The following RNGTT variants were observed in gnomAD, a reference collection of about 807,000 sequenced individuals.
The protein encoded by RNGTT is mRNA-capping enzyme.
A neutral mutation model predicts 79.3 loss-of-function variants in RNGTT; 33 were observed. That is an observed-to-expected ratio of 0.42 (90% CI 0.32 to 0.56). The LOEUF is 0.56. RNGTT is among the 20% of genes least tolerant of loss of function. The pLI is 0.17. For synonymous variants in RNGTT, 222 were observed against 235.9 expected (o/e 0.94, Z 0.54); for missense variants, 497 against 739.1 (o/e 0.67, Z 3.80).
intron 2 of RNGTT, among the ~76,000 whole-genome samples, chr6:88,930,153 CATACATATATACATATACATATATGTAT>C (rs1248314594): frequency 1.4e-5 from 2 of 141,334 alleles, no homozygotes; most frequent in African/African-American, 5.7e-5. Flanking sequence ...CATATACGTA[CATACATATATACATATACATATATGTAT>C]ATACATATAT....
intron 14 of RNGTT, among the ~76,000 whole-genome samples, chr6:88,672,284 CAT>C (rs1028699670): frequency 1.3e-5 from 2 of 151,068 alleles, no homozygotes. Flanking sequence ...AATGTATACA[CAT>C]ATATATACAC....
At chr6:88,707,352 C>T (rs763488809) in intron 13 of RNGTT, among the ~76,000 whole-genome samples, 4 of 151,302 alleles carry the variant, frequency 2.6e-5, no homozygotes, top group African/African-American at 7.3e-5. Flanking sequence ...GATCTTCAAA[C>T]CACCTAAAAT....
At chr6:88,897,048 C>G (rs1783275682) in intron 6 of RNGTT, among the ~76,000 whole-genome samples, 1 of 152,194 alleles carries the variant, frequency 6.6e-6, no homozygotes, top group Non-Finnish European at 1.5e-5. Context: ...TAACATGTCA[C>G]TATAAACTCT....
intron 8 of RNGTT, among the ~76,000 whole-genome samples, chr6:88,889,866 C>T (rs1782984364): frequency 6.6e-6 from 1 of 152,084 alleles, no homozygotes; most frequent in African/African-American, 2.4e-5. Context: ...GGCTAAGCTA[C>T]TATTCAGGAG....
intron 4 of RNGTT, among the ~76,000 whole-genome samples, chr6:88,914,309 A>G (rs1783927778): frequency 6.6e-6 from 1 of 152,164 alleles, no homozygotes; most frequent in African/African-American, 2.4e-5. Context: ...GAACCAAAAA[A>G]AGAACCCAAA....
chr6:88,681,836 T>C (rs1464007005), intron 13 of RNGTT, among the ~76,000 whole-genome samples: 1 of 152,186 alleles, frequency 6.6e-6, no homozygotes, highest in Non-Finnish European at 1.5e-5. Context: ...TGTAAGATAT[T>C]TGCTTGCAAC....
chr6:88,820,972 G>C (rs556991201), intron 11 of RNGTT, among the ~76,000 whole-genome samples: 1 of 152,156 alleles, frequency 6.6e-6, no homozygotes, highest in South Asian at 2.1e-4. Flanking sequence ...AGGTTGTATG[G>C]AGAGGCAAAC....
chr6:88,872,032 T>C (rs773494715), intron 8 of RNGTT, among the ~76,000 whole-genome samples: 6 of 152,172 alleles, frequency 3.9e-5, no homozygotes, highest in Admixed American at 6.6e-5. Context: ...ACCATTAAAT[T>C]AGACATACAA....
intron 12 of RNGTT, among the ~76,000 whole-genome samples, chr6:88,786,372 TAAAC>T (rs1281492919): frequency 1.3e-5 from 2 of 152,194 alleles, no homozygotes; most frequent in African/African-American, 2.4e-5. Context: ...CTTTGTAAAT[TAAAC>T]AATCTAATAG....
intron 11 of RNGTT, among the ~76,000 whole-genome samples, chr6:88,830,465 G>A (rs571790319): frequency 2.6e-5 from 4 of 152,218 alleles, no homozygotes; most frequent in South Asian, 4.1e-4. Flanking sequence ...ATGCACACAG[G>A]AGAAAGCGGG....
At chr6:88,647,680 G>A (rs886706962) in intron 14 of RNGTT, among the ~76,000 whole-genome samples, 28 of 121,254 alleles carry the variant, frequency 2.3e-4, no homozygotes, top group Non-Finnish European at 4.5e-4. Context: ...TCCAGCCTGG[G>A]TGACAGAACC....
chr6:88,773,125 G>T (rs1294146091), intron 12 of RNGTT, among the ~76,000 whole-genome samples: 76 of 149,162 alleles, frequency 5.1e-4, no homozygotes, highest in Middle Eastern at 3.4e-3. Context: ...ATACACCATG[G>T]AATACTATGC....
chr6:88,738,394 TA>T (rs1469510425), intron 13 of RNGTT, among the ~76,000 whole-genome samples: 2 of 152,098 alleles, frequency 1.3e-5, no homozygotes, highest in Non-Finnish European at 2.9e-5. Context: ...GGACATCAAG[TA>T]AAAACTAAGG....
intron 14 of RNGTT, among the ~76,000 whole-genome samples, chr6:88,664,341 A>G (rs1774307044): frequency 6.6e-6 from 1 of 152,228 alleles, no homozygotes; most frequent in African/African-American, 2.4e-5. Flanking sequence ...CCTGAAAATC[A>G]GCGCATGATT....
chr6:88,658,955 T>C (rs1774083268), intron 14 of RNGTT, among the ~76,000 whole-genome samples: 1 of 152,376 alleles, frequency 6.6e-6, no homozygotes, highest in East Asian at 1.9e-4. Flanking sequence ...GAACTCAGAC[T>C]GGCTTCCTGG....
chr6:88,828,933 G>A (rs1336699882), intron 11 of RNGTT, among the ~76,000 whole-genome samples: 1 of 152,120 alleles, frequency 6.6e-6, no homozygotes, highest in Non-Finnish European at 1.5e-5. Flanking sequence ...GAAAGTGACA[G>A]GGAGAATGGA....
chr6:88,762,246 T>C (rs181413533), intron 13 of RNGTT, among the ~76,000 whole-genome samples: 3 of 152,276 alleles, frequency 2.0e-5, no homozygotes, highest in Admixed American at 2.0e-4. Context: ...GGAAAACGAA[T>C]TTCCACATTG....
chr6:88,931,327 AC>A (rs1784508596), intron 2 of RNGTT, among the ~76,000 whole-genome samples: 1 of 152,162 alleles, frequency 6.6e-6, no homozygotes, highest in Non-Finnish European at 1.5e-5. Context: ...AGGGGAGAAC[AC>A]AGCAATCTGT....
intron 2 of RNGTT, among the ~76,000 whole-genome samples, chr6:88,940,731 G>A (rs1360112879): frequency 1.3e-5 from 2 of 152,158 alleles, no homozygotes; most frequent in African/African-American, 4.8e-5. Flanking sequence ...TGGAGATGCA[G>A]CAGTTCTATA....
Sources: allele counts gnomAD v4.1 joint callset (sites outside exome capture counted in the v4.1 genomes callset), GRCh38; gene constraint gnomAD v4.1.1; transcripts MANE v1.5; gene names NCBI Gene and HGNC (gene_info 2026-07-23, HGNC 2026-07-21).